Variants in PITPNC1 observed in about 807,000 individuals in gnomAD.
PITPNC1 encodes the protein phosphatidylinositol transfer protein cytoplasmic 1, also known as cytoplasmic phosphatidylinositol transfer protein 1.
Under a neutral mutation model 44.7 loss-of-function variants are expected in PITPNC1, and 18 were observed. The ratio of observed to expected loss-of-function variants is 0.40; its 90% CI spans 0.28 to 0.60. The LOEUF is 0.60. Ranked by LOEUF, PITPNC1 falls within the 20% of genes least tolerant of loss-of-function variation. The pLI, the probability that PITPNC1 is intolerant of heterozygous loss-of-function variation, is 0.39. For missense variants in PITPNC1, 290 were observed against 418.4 expected (o/e 0.69, Z 2.68); for synonymous variants, 141 against 149.6 (o/e 0.94, Z 0.42).
intron 1 of PITPNC1, among the ~76,000 whole-genome samples, chr17:67,458,846 C>G (rs2074319492): frequency 6.6e-6 from 1 of 152,120 alleles, no homozygotes; most frequent in Non-Finnish European, 1.5e-5. Flanking sequence ...ATTGCTTCTT[C>G]TAGAGATCTC....
In PITPNC1 at chr17:67,466,103, C is replaced by T. The variant is rs974592468; in HGVS notation, c.49-66699C>T. Among the ~76,000 whole-genome samples, 3 of 151,042 alleles carry T rather than the reference C, an allele frequency of 2.0e-5. 1 individual carries two copies. In the South Asian group the frequency reaches 6.3e-4, roughly 32 times the overall value. On this transcript the variant is annotated intron_variant, in intron 1 of 8. Transcript: ENST00000581322. ...GCAGCCTTGAACTTCTGGGCTCCAG[C>T]GATCCCCCTACCTTAGCCTCCTGAG...
At chr17:67,583,045 C>G (rs978366569) in intron 5 of PITPNC1, among the ~76,000 whole-genome samples, 3 of 152,236 alleles carry the variant, frequency 2.0e-5, no homozygotes, top group African/African-American at 7.2e-5. Context: ...GTTTTAACAA[C>G]TCATGCCTGG....
chr17:67,454,070 G>A (rs2039222226), intron 1 of PITPNC1, among the ~76,000 whole-genome samples: 1 of 152,126 alleles, frequency 6.6e-6, no homozygotes, highest in African/African-American at 2.4e-5. Flanking sequence ...GGCCAACATG[G>A]TGAAACCCCG....
intron 8 of PITPNC1, among the ~76,000 whole-genome samples, chr17:67,683,710 G>C (rs2144447991): frequency 6.6e-6 from 1 of 152,202 alleles, no homozygotes; most frequent in Admixed American, 6.5e-5. Flanking sequence ...GGGCGTGGTG[G>C]CTCACACCTG....
intron 6 of PITPNC1, among the ~76,000 whole-genome samples, chr17:67,650,441 C>CTTTTTTTTTTTTT (rs34611864): frequency 1.4e-5 from 1 of 70,984 alleles, no homozygotes; most frequent in Non-Finnish European, 2.4e-5. Flanking sequence ...AAACCATAGG[C>CTTTTTTTTTTTTT]TTTTTTTTTT....
At chr17:67,688,338 C>CAAAA (rs56938476) in intron 8 of PITPNC1, among the ~76,000 whole-genome samples, 1,065 of 54,366 alleles carry the variant, frequency 0.02, 222 homozygotes, top group East Asian at 0.2. Flanking sequence ...AATTCTGTCT[C>CAAAA]AAAAAAAAAA....
At chr17:67,397,973 G>T (rs929711447) in intron 1 of PITPNC1, among the ~76,000 whole-genome samples, 38 of 151,972 alleles carry the variant, frequency 2.5e-4, no homozygotes, top group African/African-American at 8.4e-4. Flanking sequence ...GGCACCTGTA[G>T]TCCCAACTAC....
intron 5 of PITPNC1, among the ~76,000 whole-genome samples, chr17:67,600,370 C>T (rs184367005): frequency 2.6e-5 from 4 of 151,924 alleles, no homozygotes; most frequent in South Asian, 2.1e-4. Flanking sequence ...AATCTACTGC[C>T]GAAGAAAATA....
At chr17:67,379,813 G>T (rs1287406363) in intron 1 of PITPNC1, among the ~76,000 whole-genome samples, 1 of 152,170 alleles carries the variant, frequency 6.6e-6, no homozygotes, top group African/African-American at 2.4e-5. Flanking sequence ...GATTCTAGGA[G>T]CAATGTTGGG....
chr17:67,493,673 T>G lies in PITPNC1; in HGVS notation c.49-39129T>G, dbSNP rs576781512. ...AAATGGGGGAGGGTGGCTTTGACCT[T>G]GGAAATACTGGAAAGGGGAGGAAAG... On this transcript the variant is annotated intron_variant, in intron 1 of 8. Coordinates refer to ENST00000581322, the MANE Select transcript of PITPNC1 (RefSeq NM_012417.4). Among the ~76,000 whole-genome samples, 5 of 152,292 alleles carry G rather than the reference T, an allele frequency of 3.3e-5. No homozygotes were observed. The South Asian group carries it at 1.0e-3, about 32-fold the overall frequency.
intron 5 of PITPNC1, among the ~76,000 whole-genome samples, chr17:67,623,573 G>A (rs1598899841): frequency 6.6e-6 from 1 of 152,058 alleles, no homozygotes; most frequent in Non-Finnish European, 1.5e-5. Flanking sequence ...TTGTAGAGAC[G>A]GGGTTTCATC....
At chr17:67,606,291 T>G (rs920294919) in intron 5 of PITPNC1, among the ~76,000 whole-genome samples, 1 of 152,352 alleles carries the variant, frequency 6.6e-6, no homozygotes, top group Admixed American at 6.5e-5. Flanking sequence ...TTATCAAACC[T>G]TGGGGAAAAG....
intron 1 of PITPNC1, among the ~76,000 whole-genome samples, chr17:67,509,202 C>T (rs553079098): frequency 6.7e-5 from 10 of 149,888 alleles, no homozygotes; most frequent in Non-Finnish European, 1.5e-4. Flanking sequence ...CCACTGCACT[C>T]CAGCCTGGGA....
chr17:67,443,120 T>C (rs961166441), intron 1 of PITPNC1, among the ~76,000 whole-genome samples: 3 of 151,968 alleles, frequency 2.0e-5, no homozygotes, highest in African/African-American at 7.2e-5. Flanking sequence ...GAAGCCCCTT[T>C]ACAATCTGGC....
At chr17:67,643,085 T>C (rs751376903) in intron 6 of PITPNC1, among the ~76,000 whole-genome samples, 1 of 152,168 alleles carries the variant, frequency 6.6e-6, no homozygotes, top group Non-Finnish European at 1.5e-5. Flanking sequence ...TGTGGCATTG[T>C]GGGTCATTGA....
intron 5 of PITPNC1, among the ~76,000 whole-genome samples, chr17:67,618,731 G>A (rs2144308098): frequency 6.6e-6 from 1 of 151,838 alleles, no homozygotes; most frequent in East Asian, 1.9e-4. Context: ...CAGCCTGGGT[G>A]ACAGAACAAA....
intron 1 of PITPNC1, among the ~76,000 whole-genome samples, chr17:67,487,178 T>C (rs967121786): frequency 6.6e-6 from 1 of 152,136 alleles, no homozygotes; most frequent in Middle Eastern, 3.2e-3. Context: ...CTTCCCTTTT[T>C]TGTTTTTGTT....
chr17:67,506,346 T>C (rs1375057957), intron 1 of PITPNC1, among the ~76,000 whole-genome samples: 1 of 152,194 alleles, frequency 6.6e-6, no homozygotes, highest in Non-Finnish European at 1.5e-5. Context: ...TTTAAGATAT[T>C]GTTTTTAGTT....
chr17:67,577,885 C>G (rs2041170963), intron 4 of PITPNC1, among the ~76,000 whole-genome samples: 1 of 152,094 alleles, frequency 6.6e-6, no homozygotes, highest in Non-Finnish European at 1.5e-5. Context: ...TAGGGGTTTG[C>G]TTTTCTAAAG....
Sources: allele counts gnomAD v4.1 joint callset (sites outside exome capture counted in the v4.1 genomes callset), GRCh38; gene constraint gnomAD v4.1.1; transcripts MANE v1.5; gene names NCBI Gene and HGNC (gene_info 2026-07-23, HGNC 2026-07-21).